Variants in DUSP22 observed in about 807,000 individuals in gnomAD.
DUSP22 encodes dual specificity protein phosphatase 22.
In DUSP22, 24 loss-of-function variants were observed where a neutral mutation model predicts 24.5. The observed-to-expected ratio is 0.98, with a 90% confidence interval of 0.71 to 1.38. The LOEUF is 1.38. Ranked by LOEUF, DUSP22 falls within the 40% of genes most tolerant of loss-of-function variation. DUSP22 has a pLI of 0.00. For missense variants in DUSP22, 330 were observed against 269.2 expected (o/e 1.23, Z -1.58); for synonymous variants, 160 against 106.4 (o/e 1.50, Z -3.10).
chr6:298,761 G>A (rs1417057253), intron 1 of DUSP22, among the ~76,000 whole-genome samples: 4 of 152,310 alleles, frequency 2.6e-5, no homozygotes, highest in Admixed American at 6.5e-5. Flanking sequence ...GTCTTCCTCT[G>A]TGGCCTGTGC....
At position 348,863 on chromosome 6, in the gene DUSP22, G is replaced by T. The variant is rs369059027; in HGVS notation, c.530G>T (p.Arg177Leu). The change falls in exon 7 of 7, where the codon CGC (arginine) becomes CTC (leucine). Residue 177 changes from arginine (R) to leucine (L), a missense_variant. Arg to Leu is a moderately radical substitution (Grantham distance 102, BLOSUM62 -2). Coordinates refer to ENST00000419235, the MANE Select transcript of DUSP22 (RefSeq NM_001286555.3). ...CTGGGTAAATATAAGGAGCAAGGGCGCACAGAGCCCCAGCCCGGCGCCAGG... is the reference window on the plus strand; with the variant it reads ...CTGGGTAAATATAAGGAGCAAGGGCTCACAGAGCCCCAGCCCGGCGCCAGG... ...NILGKYKEQGRTEPQPGARRW... is the reference protein window; with the variant it reads ...NILGKYKEQGLTEPQPGARRW... 5.6e-6 allele frequency: 9 copies of T among 1,614,172 alleles called. No homozygotes were observed. The highest frequency in any genetic ancestry group is 5.5e-5 in the South Asian group (5 of 91,094).
At chr6:292,955 A>T (rs1341318425) in intron 1 of DUSP22, among the ~76,000 whole-genome samples, 1 of 152,256 alleles carries the variant, frequency 6.6e-6, no homozygotes, top group Admixed American at 6.5e-5. Context: ...CCCCCACATC[A>T]TTAGTAAACG....
intron 2 of DUSP22, among the ~76,000 whole-genome samples, chr6:304,961 G>A (rs1209807532): frequency 6.6e-6 from 1 of 152,294 alleles, no homozygotes; most frequent in Non-Finnish European, 1.5e-5. Context: ...TGTGCTTTTG[G>A]GACTGGCTTA....
intron 3 of DUSP22, among the ~76,000 whole-genome samples, chr6:333,351 T>A (rs1000223381): frequency 1.3e-5 from 2 of 152,308 alleles, no homozygotes; most frequent in African/African-American, 2.4e-5. Context: ...AGCAATAAAG[T>A]TCATCTCCTT....
At chr6:293,797 C>CTTT (rs11436850) in intron 1 of DUSP22, among the ~76,000 whole-genome samples, 5,172 of 122,538 alleles carry the variant, frequency 0.042, 26 homozygotes, top group African/African-American at 0.09. Flanking sequence ...ATTGTATTCA[C>CTTT]TTTTTTTTTT....
intron 1 of DUSP22, among the ~76,000 whole-genome samples, chr6:294,931 T>C (rs1252454284): frequency 6.6e-6 from 1 of 152,288 alleles, no homozygotes; most frequent in East Asian, 1.9e-4. Flanking sequence ...CCTGCTGCAG[T>C]AAACATGTTT....
At position 350,565 on chromosome 6, in the gene DUSP22, G is replaced by A. The variant is rs370754357; in HGVS notation, c.*1614G>A. The A allele has an allele frequency of 5.4e-3, 7,402 of 1,381,520 alleles. 1 individual carries two copies. Among genetic ancestry groups the A allele is most frequent in the Non-Finnish European group, 6.3e-3 (6,686 of 1,068,606 alleles). The allele number at this position is 1,381,520 out of a possible 1,614,324, so 85.6% of individuals were successfully genotyped here. ...GAAAAACAAAGTTGCCTGATTCCGC[G>A]CAGGTGCACAGGCCCCGGATGTACA... On this transcript the variant is annotated 3_prime_UTR_variant, in exon 7 of 7. Transcript: ENST00000419235.
chr6:310,320 G>C (rs1758019187), intron 2 of DUSP22, among the ~76,000 whole-genome samples: 1 of 152,308 alleles, frequency 6.6e-6, no homozygotes, highest in African/African-American at 2.4e-5. Flanking sequence ...AGCCAGGCTG[G>C]GATGGGGGTG....
intron 3 of DUSP22, among the ~76,000 whole-genome samples, chr6:317,857 T>C (rs1168829655): frequency 6.6e-6 from 1 of 152,286 alleles, no homozygotes; most frequent in Non-Finnish European, 1.5e-5. Context: ...TGAGAAATCA[T>C]GTCTTATCAC....
chr6:328,763 T>C (rs1759004048), intron 3 of DUSP22, among the ~76,000 whole-genome samples: 1 of 152,306 alleles, frequency 6.6e-6, no homozygotes, highest in African/African-American at 2.4e-5. Flanking sequence ...AGCATATTTA[T>C]CTGCCGTGGC....
intron 1 of DUSP22, 126 bp downstream of exon 1, chr6:292,686 G>C: frequency 7.5e-7 from 1 of 1,336,636 alleles, no homozygotes; most frequent in Non-Finnish European, 9.7e-7. Flanking sequence ...GGCGCGGAGG[G>C]AGGGGCGGCG....
At chr6:312,813 G>A (rs947892274) in intron 3 of DUSP22, among the ~76,000 whole-genome samples, 40 of 152,408 alleles carry the variant, frequency 2.6e-4, no homozygotes, top group Non-Finnish European at 3.5e-4. Flanking sequence ...CCAGATTTTA[G>A]TTAGTATAAA....
intron 1 of DUSP22, among the ~76,000 whole-genome samples, chr6:296,212 T>G (rs1379114965): frequency 6.6e-6 from 1 of 152,308 alleles, no homozygotes; most frequent in African/African-American, 2.4e-5. Context: ...TTTGTTTGTG[T>G]GTGCAATTCC....
chr6:305,845 C>T (rs1757795017), intron 2 of DUSP22, among the ~76,000 whole-genome samples: 1 of 152,302 alleles, frequency 6.6e-6, no homozygotes, highest in African/African-American at 2.4e-5. Flanking sequence ...CCTTCCCTAA[C>T]AAGCCAGAAC....
intron 3 of DUSP22, among the ~76,000 whole-genome samples, chr6:314,658 G>A (rs1043870606): frequency 1.7e-4 from 26 of 152,294 alleles, no homozygotes; most frequent in Admixed American, 1.4e-3. Flanking sequence ...TTGTGTTGTC[G>A]GAATAAAGGC....
intron 1 of DUSP22, among the ~76,000 whole-genome samples, chr6:293,134 T>C (rs1224988315): frequency 1.3e-5 from 2 of 152,296 alleles, no homozygotes; most frequent in African/African-American, 4.8e-5. Flanking sequence ...ATGTGACTTC[T>C]GCAACAAGGG....
intron 4 of DUSP22, among the ~76,000 whole-genome samples, chr6:335,707 C>T (rs1002218419): frequency 2.6e-4 from 39 of 152,300 alleles, no homozygotes; most frequent in Admixed American, 7.2e-4. Flanking sequence ...TTCTTTCATA[C>T]GAAGTCTGGG....
chr6:350,889 T>C lies in DUSP22; in HGVS notation c.*1938T>C, dbSNP rs758076907. On this transcript the variant is annotated 3_prime_UTR_variant, in exon 7 of 7. Coordinates refer to ENST00000419235, the MANE Select transcript of DUSP22 (RefSeq NM_001286555.3). ...TGTAATGTACCTGAAGTTTCTGAAA[T>C]ATTGCAAACCCACAGAGTTTAGGCT... 5.0e-6 allele frequency: 8 copies of C among 1,613,990 alleles called. No individual in the cohort carries two copies. The Admixed American group carries it at 8.3e-5, about 17-fold the overall frequency.
At chr6:342,973 G>A (rs1759679633) in intron 4 of DUSP22, among the ~76,000 whole-genome samples, 1 of 152,306 alleles carries the variant, frequency 6.6e-6, no homozygotes, top group South Asian at 2.1e-4. Flanking sequence ...GGAGCTCCCA[G>A]CTGGCTACCC....
Sources: allele counts gnomAD v4.1 joint callset (sites outside exome capture counted in the v4.1 genomes callset), GRCh38; gene constraint gnomAD v4.1.1; transcripts MANE v1.5; gene names NCBI Gene and HGNC (gene_info 2026-07-23, HGNC 2026-07-21).